TEF: variants seen among roughly 807,000 people sequenced by gnomAD.
The protein encoded by TEF is thyrotroph embryonic factor.
TEF carries 3 observed loss-of-function variants against 20.8 expected under a neutral mutation model. The observed-to-expected ratio is 0.14, with a 90% confidence interval of 0.07 to 0.37. The LOEUF (loss-of-function observed/expected upper bound fraction) is 0.37. Ranked by LOEUF, TEF falls within the 10% of genes least tolerant of loss-of-function variation. TEF has a pLI of 1.00. For missense variants in TEF, 296 were observed against 397.9 expected (o/e 0.74, Z 2.18); for synonymous variants, 180 against 171.1 (o/e 1.05, Z -0.41).
At position 41,387,527 on chromosome 22, in the gene TEF, G is replaced by A. The variant is rs961420240; in HGVS notation, c.334G>A (p.Ala112Thr). Residue 112 changes from alanine (A) to threonine (T), a missense_variant, in exon 2 of 4, where the codon GCC becomes ACC. By Grantham distance (58) the Ala-to-Thr change is moderately conservative (BLOSUM62 0). Coordinates refer to ENST00000266304, the MANE Select transcript of TEF (RefSeq NM_003216.4). Reference protein sequence around the residue: ...DEFLLENGIPASPTHLAHNLL... With the variant: ...DEFLLENGIPTSPTHLAHNLL... The stretch of plus-strand genomic sequence containing the variant: ...GTTCCTGCTGGAGAATGGCATCCCC[G>A]CCAGCCCCACCCACCTGGCCCACAA... 9.3e-6 allele frequency: 15 copies of A among 1,613,974 alleles called. No individual in the cohort carries two copies. In the South Asian group the frequency reaches 9.9e-5, roughly 11 times the overall value.
At chr22:41,389,543 C>T (rs1290686460) in intron 2 of TEF, among the ~76,000 whole-genome samples, 7 of 152,020 alleles carry the variant, frequency 4.6e-5, no homozygotes, top group South Asian at 2.1e-4. Context: ...CGCTTGAACC[C>T]GGGAGGCGGA....
chr22:41,379,908 GAAAA>G (rs1216913707), upstream of TEF, among the ~76,000 whole-genome samples: 2 of 89,412 alleles, frequency 2.2e-5, no homozygotes, highest in African/African-American at 3.5e-5. Flanking sequence ...AAAAAAAAAA[GAAAA>G]AAAGAAAAGA....
At chr22:41,384,858 A>G (rs927794584) in intron 1 of TEF, among the ~76,000 whole-genome samples, 5 of 152,014 alleles carry the variant, frequency 3.3e-5, no homozygotes, top group Admixed American at 1.3e-4. Context: ...GGTTCAAGCA[A>G]TTCTCCTGCC....
At chr22:41,368,255 T>C (rs1429001115) in intron 1 of TEF, among the ~76,000 whole-genome samples, 2 of 150,520 alleles carry the variant, frequency 1.3e-5, no homozygotes, top group Non-Finnish European at 2.9e-5. Flanking sequence ...CGGAGAATAC[T>C]GATAAATCTC....
At position 41,395,921 on chromosome 22, in the gene TEF, C is replaced by T. The variant is rs2037221720; in HGVS notation, c.873C>T (p.Thr291=). 1 of 1,614,010 alleles carries T rather than the reference C, an allele frequency of 6.2e-7. No homozygotes were observed. Among genetic ancestry groups the T allele is most frequent in the Non-Finnish European group, 8.5e-7 (1 of 1,179,912 alleles). Residue 291 remains threonine (T), a synonymous_variant, in exon 4 of 4, where the codon ACC becomes ACT. Coordinates refer to ENST00000266304, the MANE Select transcript of TEF (RefSeq NM_003216.4). ...ELRKEVGKCK[T]IVSKYETKYG... is the part of the protein sequence containing the mutation. ...GCAAGGAGGTGGGCAAGTGCAAGAC[C>T]ATCGTGTCCAAGTATGAGACCAAAT...
chr22:41,392,395 G>A (rs1297470321), intron 2 of TEF, among the ~76,000 whole-genome samples: 1 of 152,152 alleles, frequency 6.6e-6, no homozygotes, highest in African/African-American at 2.4e-5. Flanking sequence ...ACTAAATGGG[G>A]CCGGGCGCAG....
intron 1 of TEF, among the ~76,000 whole-genome samples, chr22:41,385,151 G>A (rs891175716): frequency 3.3e-5 from 5 of 152,032 alleles, no homozygotes; most frequent in African/African-American, 1.2e-4. Flanking sequence ...ATCACCTGAG[G>A]TCGGGAGTTC....
Position 41,387,213 on chromosome 22 carries a change from T to C in TEF, c.158-138T>C, listed in dbSNP as rs1042827515. On this transcript the variant is annotated intron_variant, in intron 1 of 3. Coordinates refer to ENST00000266304, the MANE Select transcript of TEF (RefSeq NM_003216.4). ...CAAGTGCGAGATTCGAACTGGAGAA[T>C]AGAGTAGGTTCTTGAAATGCATGGG... 4.3e-6 allele frequency: 4 copies of C among 929,314 alleles called. No homozygotes were observed. The African/African-American group carries it at 5.0e-5, about 12-fold the overall frequency. 57.6% of individuals were successfully genotyped at this position (929,314 alleles called of 1,614,324 possible).
rs1237855221 is a variant in TEF, at chr22:41,382,146, C to T, written c.102C>T (p.Ser34=). 5 of 1,239,898 alleles carry T rather than the reference C, an allele frequency of 4.0e-6. No homozygotes were observed. Among genetic ancestry groups the T allele is most frequent in the Non-Finnish European group, 5.0e-6 (5 of 992,602 alleles). The allele number at this position is 1,239,898 out of a possible 1,614,324, so 76.8% of individuals were successfully genotyped here. A position where few individuals can be genotyped will look rare whatever the true frequency, so the allele number is the denominator to read the frequency against. ...RAAGERGLSG[S]FPLVLKKLME... ...CTGGGGAAAGGGGCCTGTCGGGGTCCTTCCCCCTGGTCCTGAAGAAGCTGA... is the reference window on the plus strand; with the variant it reads ...CTGGGGAAAGGGGCCTGTCGGGGTCTTTCCCCCTGGTCCTGAAGAAGCTGA... Residue 34 remains serine (S), a synonymous_variant, in exon 1 of 4, where the codon TCC becomes TCT. Transcript: ENST00000266304.
At chr22:41,371,496 C>G (rs1452748080) in intron 1 of TEF, among the ~76,000 whole-genome samples, 1 of 152,092 alleles carries the variant, frequency 6.6e-6, no homozygotes, top group Non-Finnish European at 1.5e-5. Flanking sequence ...GACTTGCCCC[C>G]CTCTCTCTCC....
chr22:41,379,278 C>T (rs2036984323), upstream of TEF, among the ~76,000 whole-genome samples: 1 of 152,004 alleles, frequency 6.6e-6, no homozygotes, highest in South Asian at 2.1e-4. Context: ...GCAGCGCTTG[C>T]AGTGAACCGA....
rs111688068 is a variant in TEF at position 41,375,875 on chromosome 22, T to G, written c.67+8276T>G. ...CAAAAAAGAGAAAAAAGTATATTTT[T>G]ACTGGGTTATTACCCTGAACAAAGC... On this transcript the variant is annotated intron_variant, in intron 1 of 3. Coordinates refer to the TEF transcript ENST00000406644. Among the ~76,000 whole-genome samples the G allele has an allele frequency of 6.6e-5, 10 of 152,320 alleles. 2 individuals are homozygous for G. The highest frequency in any genetic ancestry group is 2.4e-4 in the African/African-American group (10 of 41,566).
At chr22:41,390,592 C>T (rs1290312668) in intron 2 of TEF, among the ~76,000 whole-genome samples, 3 of 149,332 alleles carry the variant, frequency 2.0e-5, no homozygotes, top group African/African-American at 7.4e-5. Flanking sequence ...ACCTCCGCCT[C>T]GCAGGTTCAA....
chr22:41,396,702 A>C lies in TEF; in HGVS notation c.*742A>C, dbSNP rs1190093678. ...TAGGATGGCTGCTGTCTGAGCCATG[A>C]GTGCCAGGGCTGAGAGAGGCCTCTT... On this transcript the variant is annotated 3_prime_UTR_variant, in exon 4 of 4. Coordinates refer to ENST00000266304, the MANE Select transcript of TEF (RefSeq NM_003216.4). 4 of 376,440 alleles carry C rather than the reference A, an allele frequency of 1.1e-5. No homozygotes were observed. The highest frequency in any genetic ancestry group is 1.9e-5 in the Non-Finnish European group (4 of 212,762). The allele number at this position is 376,440 out of a possible 1,614,324, so 23.3% of individuals were successfully genotyped here.
intron 1 of TEF, among the ~76,000 whole-genome samples, 185 bp downstream of exon 1, chr22:41,382,386 G>T (rs925889771): frequency 6.6e-6 from 1 of 152,072 alleles, no homozygotes; most frequent in Non-Finnish European, 1.5e-5. Flanking sequence ...GTCAGGGGCG[G>T]GCTGAGACGG....
intron 1 of TEF, among the ~76,000 whole-genome samples, chr22:41,375,070 C>G (rs934095790): frequency 6.6e-6 from 1 of 152,174 alleles, no homozygotes; most frequent in Admixed American, 6.6e-5. Flanking sequence ...CTGCAGAAAC[C>G]GTGGCTATCT....
intron 1 of TEF, among the ~76,000 whole-genome samples, chr22:41,375,776 T>C (rs2036934277): frequency 6.6e-6 from 1 of 151,368 alleles, no homozygotes; most frequent in African/African-American, 2.4e-5. Context: ...CTCTGAAAGG[T>C]TTGGTTAACT....
At chr22:41,395,561 G>A (rs933939300) in intron 3 of TEF, among the ~76,000 whole-genome samples, 184 bp from the exon 4 acceptor site, 16 of 152,046 alleles carry the variant, frequency 1.1e-4, no homozygotes, top group African/African-American at 3.6e-4. Context: ...TTTGTTTCTC[G>A]TCCTGCCCCC....
At chr22:41,395,088 C>G (rs1601826560) in intron 3 of TEF, among the ~76,000 whole-genome samples, 2 of 152,310 alleles carry the variant, frequency 1.3e-5, no homozygotes, top group Admixed American at 1.3e-4. Context: ...CTCACTGCAA[C>G]TTCCGCCTCC....
Sources: gnomAD v4.1 joint callset for allele counts (sites outside exome capture counted in the v4.1 genomes callset) on GRCh38, gnomAD v4.1.1 for gene constraint, MANE v1.5 for transcripts, NCBI Gene and HGNC (gene_info 2026-07-23, HGNC 2026-07-21) for gene names.